MX2: variants seen among roughly 807,000 people sequenced by gnomAD.
The protein encoded by MX2 is MX dynamin like GTPase 2.
MX2 carries 51 observed loss-of-function variants against 74.0 expected under a neutral mutation model. The ratio of observed to expected loss-of-function variants is 0.69; its 90% CI spans 0.55 to 0.87. The LOEUF (loss-of-function observed/expected upper bound fraction) is 0.87. MX2 is among the 40% of genes least tolerant of loss of function. The pLI is 0.00. For synonymous variants in MX2, 369 were observed against 339.3 expected (o/e 1.09, Z -0.96); for missense variants, 832 against 908.7 (o/e 0.92, Z 1.09).
At position 41,368,277 on chromosome 21, in the gene MX2, C is replaced by T. The variant is rs541101825; in HGVS notation, c.-72+6222C>T. Among the ~76,000 whole-genome samples, 313 of 152,358 alleles carry T rather than the reference C, an allele frequency of 2.1e-3. 1 individual carries two copies. Among genetic ancestry groups the T allele is most frequent in the African/African-American group, 7.2e-3 (298 of 41,580 alleles). On this transcript the variant is annotated intron_variant, in intron 1 of 13. Transcript: ENST00000330714. The surrounding 1 kb of genome is among the most constrained non-coding windows in gnomAD (Gnocchi z 4.6). ...TCGTCTCCGTGAGCCTGCAGGGGCA[C>T]CCAGCCAGCCGACAGGCTCCCGAGA...
chr21:41,378,237 T>C (rs796749264), intron 3 of MX2, among the ~76,000 whole-genome samples: 8 of 72,404 alleles, frequency 1.1e-4, no homozygotes, highest in African/African-American at 8.8e-4. Context: ...AGACAGACCA[T>C]TGGGAGAGAC....
chr21:41,402,228 C>A lies in MX2; in HGVS notation c.1573+100C>A. On this transcript the variant is annotated intron_variant, in intron 11 of 13. Coordinates refer to ENST00000330714, the MANE Select transcript of MX2 (RefSeq NM_002463.2). This position sits in a 1 kb window ranked among gnomAD's most constrained non-coding sequence, Gnocchi z 4.5. ...GATTGGAATGGAGTTACCAAACCAGCCTGCAGACACGCTCACTGGTGTGCT... is the reference window on the plus strand; with the variant it reads ...GATTGGAATGGAGTTACCAAACCAGACTGCAGACACGCTCACTGGTGTGCT... 7.4e-7 allele frequency: 1 copy of A among 1,348,698 alleles called. No individual in the cohort carries two copies. Among genetic ancestry groups the A allele is most frequent in the Non-Finnish European group, 1.0e-6 (1 of 989,750 alleles). The allele number at this position is 1,348,698 out of a possible 1,614,324, so 83.5% of individuals were successfully genotyped here.
At chr21:41,383,518 G>C (rs2089527031) in intron 5 of MX2, among the ~76,000 whole-genome samples, 1 of 152,250 alleles carries the variant, frequency 6.6e-6, no homozygotes. Flanking sequence ...AGCTCATGTG[G>C]AAATGAAGGA....
At chr21:41,378,119 C>G in intron 3 of MX2, 138 bp downstream of exon 3, 1 of 1,123,626 alleles carries the variant, frequency 8.9e-7, no homozygotes, top group Non-Finnish European at 1.2e-6. Context: ...GGGAGAGAGG[C>G]CGCTGAGAGA....
At chr21:41,379,935 G>A in intron 3 of MX2, 82 bp from the exon 4 acceptor site, 3 of 1,557,808 alleles carry the variant, frequency 1.9e-6, no homozygotes, top group East Asian at 2.2e-5. Flanking sequence ...TTTGGGGACA[G>A]CAGGGCAGGT....
intron 1 of MX2, among the ~76,000 whole-genome samples, chr21:41,371,929 T>A (rs1208867751): frequency 6.6e-6 from 1 of 152,152 alleles, no homozygotes. Context: ...CCCAGAGAGA[T>A]GGAGGGTTTT....
At position 41,398,996 on chromosome 21, in the gene MX2, G is replaced by A. The variant is rs376728567; in HGVS notation, c.1249G>A (p.Asp417Asn). 36 of 1,613,616 alleles carry A rather than the reference G, an allele frequency of 2.2e-5. No individual in the cohort carries two copies. The highest frequency in any genetic ancestry group is 6.7e-5 in the East Asian group (3 of 44,866). ...CGADIPSQEA[D>N]KMFFLIEKIK... ...GGCTGACATCCCCAGCCAGGAGGCC[G>A]ACAAGATGTTCTTTCTAATTGAGGT... The change falls in exon 9 of 14, where the codon GAC (aspartate) becomes AAC (asparagine). Residue 417 changes from aspartate (D) to asparagine (N), a missense_variant. Coordinates refer to ENST00000330714, the MANE Select transcript of MX2 (RefSeq NM_002463.2).
intron 12 of MX2, among the ~76,000 whole-genome samples, chr21:41,405,046 C>T (rs761860269): frequency 7.2e-5 from 11 of 152,042 alleles, no homozygotes; most frequent in Admixed American, 1.3e-4. Context: ...TGGTGGCTCA[C>T]GCCTGTAATC....
At chr21:41,387,907 C>T (rs2089604021) in intron 5 of MX2, among the ~76,000 whole-genome samples, 1 of 152,190 alleles carries the variant, frequency 6.6e-6, no homozygotes. Flanking sequence ...GTGGCTCAGG[C>T]CATGACCACT....
At chr21:41,390,276 T>C (rs4818236) in intron 5 of MX2, 26,814 of 369,482 alleles carry the variant, frequency 0.073, 2,224 homozygotes, top group African/African-American at 0.27. Flanking sequence ...GCATCTCGGG[T>C]GAGATCTAGA....
intron 7 of MX2, 87 bp downstream of exon 7, chr21:41,395,872 A>G (rs1192093534): frequency 3.0e-6 from 4 of 1,339,150 alleles, no homozygotes; most frequent in Non-Finnish European, 4.2e-6. Flanking sequence ...ACCAAAGTGT[A>G]TGCACAAATT....
At chr21:41,367,162 C>T (rs2089272955) in intron 1 of MX2, 1 of 152,194 alleles carries the variant, frequency 6.6e-6, no homozygotes, top group South Asian at 2.1e-4. Context: ...GAGGGAGCTC[C>T]TGGATTCACC....
chr21:41,395,130 G>C (rs1309430911), intron 6 of MX2, among the ~76,000 whole-genome samples: 1 of 152,158 alleles, frequency 6.6e-6, no homozygotes, highest in Non-Finnish European at 1.5e-5. Context: ...AGTGCAAGCA[G>C]GAAGGAGTGG....
chr21:41,379,681 C>T (rs574810061), intron 3 of MX2, among the ~76,000 whole-genome samples: 6 of 152,308 alleles, frequency 3.9e-5, no homozygotes, highest in African/African-American at 1.2e-4. Context: ...GGACATGTAC[C>T]GGAGCCCCAG....
chr21:41,389,730 C>T (rs2089630948), intron 5 of MX2: 1 of 152,122 alleles, frequency 6.6e-6, no homozygotes, highest in African/African-American at 2.4e-5. Flanking sequence ...TCATTTTTGG[C>T]TGTGCAGTTT....
rs1448447874 is a variant in MX2, at chr21:41,380,468, C to A, written c.577+317C>A. Among the ~76,000 whole-genome samples, 1 of 152,174 alleles carries A rather than the reference C, an allele frequency of 6.6e-6. No individual in the cohort carries two copies. The highest frequency in any genetic ancestry group is 2.4e-5 in the African/African-American group (1 of 41,434). On this transcript the variant is annotated intron_variant, in intron 4 of 13. Transcript: ENST00000330714. This position sits in a 1 kb window ranked among gnomAD's most constrained non-coding sequence, Gnocchi z 4.3. ...CTTTCTCTACTCCACAGGGTACTCG[C>A]CCTCTCTTCCTTCCAGGTTTCTCCC... is the stretch of plus-strand genomic sequence containing the variant.
intron 12 of MX2, 172 bp downstream of exon 12, chr21:41,403,515 C>A: frequency 1.3e-6 from 1 of 750,328 alleles, no homozygotes; most frequent in South Asian, 1.4e-5. Context: ...GGAGCACCTG[C>A]CTGCCTGGCT....
rs1418393861 is a variant in MX2 at position 41,388,146 on chromosome 21, C to T, written c.733-2419C>T. Among the ~76,000 whole-genome samples the T allele has an allele frequency of 1.3e-5, 2 of 152,182 alleles. No individual in the cohort carries two copies. The highest frequency in any genetic ancestry group is 2.9e-5 in the Non-Finnish European group (2 of 68,042). On this transcript the variant is annotated intron_variant, in intron 5 of 13. Transcript: ENST00000330714. The surrounding 1 kb of genome is among the most constrained non-coding windows in gnomAD (Gnocchi z 4.0). ...GGCAGCACCCATCCCAAGAATGTTTCCCACACAGCTCTTGTGTTTTAAGGC... is the reference window on the plus strand; with the variant it reads ...GGCAGCACCCATCCCAAGAATGTTTTCCACACAGCTCTTGTGTTTTAAGGC...
At chr21:41,378,092 G>T in intron 3 of MX2, 111 bp downstream of exon 3, 6 of 1,324,074 alleles carry the variant, frequency 4.5e-6, no homozygotes, top group Non-Finnish European at 6.2e-6. Context: ...TGAGAGAGCT[G>T]GGAAAGACAG....
Sources: allele counts gnomAD v4.1 joint callset (sites outside exome capture counted in the v4.1 genomes callset), GRCh38; gene constraint gnomAD v4.1.1; non-coding constraint Gnocchi (gnomAD v3.1); transcripts MANE v1.5; gene names NCBI Gene and HGNC (gene_info 2026-07-23, HGNC 2026-07-21).